The following TMIGD3 variants were observed in gnomAD, a reference collection of about 807,000 sequenced individuals.
The protein encoded by TMIGD3 is transmembrane and immunoglobulin domain containing 3, also known as AD026 protein (AD026).
TMIGD3 carries 21 observed loss-of-function variants against 28.1 expected under a neutral mutation model. The ratio of observed to expected loss-of-function variants is 0.75; its 90% CI spans 0.53 to 1.08. The LOEUF is 1.08. Among genes scored for constraint, TMIGD3 ranks in the 50% least tolerant of loss-of-function variants. The pLI, the probability that TMIGD3 is intolerant of heterozygous loss-of-function variation, is 0.00. For missense variants in TMIGD3, 416 were observed against 435.6 expected (o/e 0.96, Z 0.40); for synonymous variants, 151 against 162.1 (o/e 0.93, Z 0.52).
upstream of TMIGD3, among the ~76,000 whole-genome samples, chr1:111,505,666 G>A (rs115336367): frequency 1.5e-3 from 234 of 152,250 alleles, no homozygotes; most frequent in African/African-American, 5.4e-3. Context: ...CATTCCTACC[G>A]CTGCACCCAC....
intron 1 of TMIGD3, among the ~76,000 whole-genome samples, chr1:111,552,353 T>TC (rs1392433847): frequency 3.3e-5 from 5 of 152,240 alleles, no homozygotes; most frequent in Non-Finnish European, 7.3e-5. Flanking sequence ...CAAGTTATAA[T>TC]GTCACAAGTC....
chr1:111,504,164 C>T, upstream of TMIGD3: 1 of 983,604 alleles, frequency 1.0e-6, no homozygotes, highest in Non-Finnish European at 1.2e-6. Context: ...CTCAGAAGGG[C>T]AAAAACTCAG....
intron 1 of TMIGD3, among the ~76,000 whole-genome samples, chr1:111,536,190 A>T (rs911199118): frequency 2.6e-5 from 4 of 151,880 alleles, no homozygotes; most frequent in African/African-American, 9.7e-5. Context: ...CTCACATCGG[A>T]GGGAAGAAAT....
At position 111,490,689 on chromosome 1, in the gene TMIGD3, G is replaced by A. The variant is rs918266228; in HGVS notation, c.424C>T (p.Leu142Phe). 6.2e-7 allele frequency: 1 copy of A among 1,613,956 alleles called. No homozygotes were observed. The highest frequency in any genetic ancestry group is 1.1e-5 in the South Asian group (1 of 91,082). Residue 142 changes from leucine to phenylalanine, a missense_variant, in exon 2 of 6, where the codon CTC becomes TTC. Leu to Phe is a conservative substitution (Grantham distance 22). Coordinates refer to ENST00000369716, the MANE Select transcript of TMIGD3 (RefSeq NM_020683.7). ...LKVCFLPVMW[L>F]FILLSLALIS... ...AGAGCCAAGGAGAGTAGAATGAAGAGCCACATGACTGGAAGGAAGCAAACT... is the reference window on the plus strand; with the variant it reads ...AGAGCCAAGGAGAGTAGAATGAAGAACCACATGACTGGAAGGAAGCAAACT...
chr1:111,518,650 C>T (rs1440157425), intron 1 of TMIGD3, among the ~76,000 whole-genome samples: 1 of 152,206 alleles, frequency 6.6e-6, no homozygotes, highest in Non-Finnish European at 1.5e-5. Context: ...GAATCTGAAC[C>T]AAGCTTTGCC....
chr1:111,508,190 A>AC (rs148879520), upstream of TMIGD3, among the ~76,000 whole-genome samples: 11,471 of 151,854 alleles, frequency 0.076, 554 homozygotes, highest in East Asian at 0.17. Context: ...CACCCACCAG[A>AC]CCCCCCCACC....
chr1:111,489,698 C>T (rs1379396331), intron 2 of TMIGD3: 12 of 1,089,196 alleles, frequency 1.1e-5, no homozygotes, highest in Admixed American at 4.5e-5. Flanking sequence ...AGCTCCCACC[C>T]TACCTTAGCA....
chr1:111,500,332 A>G, intron 1 of TMIGD3: 1 of 1,614,260 alleles, frequency 6.2e-7, no homozygotes, highest in South Asian at 1.1e-5. Flanking sequence ...GGCGCACATG[A>G]CAACCAGGGG....
intron 1 of TMIGD3, among the ~76,000 whole-genome samples, chr1:111,519,614 G>C (rs2101002197): frequency 6.6e-6 from 1 of 152,168 alleles, no homozygotes. Context: ...ATTCACAGCA[G>C]AGTTGAAACT....
intron 1 of TMIGD3, among the ~76,000 whole-genome samples, chr1:111,519,456 T>C (rs1655979852): frequency 6.6e-6 from 1 of 152,238 alleles, no homozygotes. Context: ...TTTCATTTCC[T>C]TTTGGTTCCA....
chr1:111,528,194 G>A (rs887926401), intron 1 of TMIGD3, among the ~76,000 whole-genome samples: 14 of 152,222 alleles, frequency 9.2e-5, no homozygotes, highest in African/African-American at 3.1e-4. Context: ...TGTAAGGTCT[G>A]TGTCCAGATT....
chr1:111,485,827 T>C lies in TMIGD3; in HGVS notation c.886A>G (p.Ile296Val), dbSNP rs1384246296. Reference sequence around the variant, plus strand: ...AAACCCGTGATCAGTATGCAAATGATGAGAATGGACGTCCTAGAAGGAACC... The same window carrying C: ...AAACCCGTGATCAGTATGCAAATGACGAGAATGGACGTCCTAGAAGGAACC... ...KADRSRTSIL[I>V]ICILITGLGI... Residue 296 changes from isoleucine to valine, a missense_variant, in exon 5 of 6, where the codon ATC becomes GTC. Physicochemically the swap from Ile to Val is conservative, Grantham distance 29. Transcript: ENST00000369716. The C allele has an allele frequency of 6.2e-7, 1 of 1,611,112 alleles. No individual in the cohort carries two copies. Among genetic ancestry groups the C allele is most frequent in the South Asian group, 1.1e-5 (1 of 90,752 alleles).
chr1:111,486,054 C>A (rs560884803), intron 4 of TMIGD3, among the ~76,000 whole-genome samples: 1 of 152,170 alleles, frequency 6.6e-6, no homozygotes, highest in African/African-American at 2.4e-5. Flanking sequence ...CCAATGAACC[C>A]CTTCCTCAGA....
chr1:111,541,121 G>A (rs1445883194), intron 1 of TMIGD3, among the ~76,000 whole-genome samples: 1 of 152,214 alleles, frequency 6.6e-6, no homozygotes, highest in African/African-American at 2.4e-5. Flanking sequence ...GTGTATGAAT[G>A]AACGTGGCTA....
rs113195076 is a variant in TMIGD3 at position 111,488,287 on chromosome 1, A to G, written c.805+390T>C. Among the ~76,000 whole-genome samples the G allele has an allele frequency of 6.6e-3, 1,006 of 152,026 alleles. 13 individuals are homozygous for G. Among genetic ancestry groups the G allele is most frequent in the African/African-American group, 0.021 (871 of 41,430 alleles). ...GCCCAGGCAGGAGTGCAGTGGCGCAATCTCGGCTCACTGCAACCTCTGCCG... is the reference window on the plus strand; with the variant it reads ...GCCCAGGCAGGAGTGCAGTGGCGCAGTCTCGGCTCACTGCAACCTCTGCCG... On this transcript the variant is annotated intron_variant, in intron 3 of 5. Transcript: ENST00000369716.
rs80320052 is a variant in TMIGD3 at position 111,521,704 on chromosome 1, C to T, written c.108-30942G>A. Among the ~76,000 whole-genome samples, 791 of 152,230 alleles carry T rather than the reference C, an allele frequency of 5.2e-3. 10 individuals carry two copies. The highest frequency in any genetic ancestry group is 0.017 in the African/African-American group (723 of 41,536). ...CAGATATAAGATTTGCAAATCTTTT[C>T]TCCTGGTTTGTGGCCAACTTTTTAC... On this transcript the variant is annotated intron_variant, in intron 1 of 5. Coordinates refer to the TMIGD3 transcript ENST00000369717.
intron 1 of TMIGD3, among the ~76,000 whole-genome samples, chr1:111,529,926 TCA>T: frequency 6.8e-6 from 1 of 146,448 alleles, no homozygotes; most frequent in East Asian, 2.0e-4. Flanking sequence ...GAGGGGCTCC[TCA>T]CTTCCCAGTA....
intron 1 of TMIGD3, among the ~76,000 whole-genome samples, chr1:111,529,879 T>C (rs1656393233): frequency 6.6e-6 from 1 of 151,268 alleles, no homozygotes; most frequent in Non-Finnish European, 1.5e-5. Context: ...CAATGAGCTG[T>C]TGGGTACACC....
chr1:111,500,921 C>CT (rs56907773), intron 1 of TMIGD3: 11,523 of 285,916 alleles, frequency 0.04, 142 homozygotes, highest in Non-Finnish European at 0.044. Context: ...TTTTCTTTTT[C>CT]TTTTTTTTTT....
Sources: gnomAD v4.1 joint callset for allele counts (sites outside exome capture counted in the v4.1 genomes callset) on GRCh38, gnomAD v4.1.1 for gene constraint, MANE v1.5 for transcripts, NCBI Gene and HGNC (gene_info 2026-07-23, HGNC 2026-07-21) for gene names.